The following ASAP2 variants were observed in gnomAD, a reference collection of about 807,000 sequenced individuals.
ASAP2 encodes the protein ArfGAP with SH3 domain, ankyrin repeat and PH domain 2.
Under a neutral mutation model 131.4 loss-of-function variants are expected in ASAP2, and 45 were observed. The observed-to-expected ratio is 0.34, with a 90% CI of 0.27 to 0.44. ASAP2 has a LOEUF of 0.44. Ranked by LOEUF, ASAP2 falls within the 20% of genes least tolerant of loss-of-function variation. The pLI is 1.00. For synonymous variants in ASAP2, 510 were observed against 503.0 expected (o/e 1.01, Z -0.19); for missense variants, 1,011 against 1,297.0 (o/e 0.78, Z 3.39).
At chr2:9,304,620 G>T (rs1026561220) in intron 3 of ASAP2, among the ~76,000 whole-genome samples, 8 of 151,394 alleles carry the variant, frequency 5.3e-5, no homozygotes, top group Non-Finnish European at 5.9e-5. Flanking sequence ...GGAGAGGCTG[G>T]AGTAGTGGAG....
intron 11 of ASAP2, among the ~76,000 whole-genome samples, chr2:9,345,517 C>T (rs922468196): frequency 1.3e-5 from 2 of 152,198 alleles, no homozygotes; most frequent in African/African-American, 4.8e-5. Context: ...ACTATTGCCT[C>T]ACCTGGCATG....
At chr2:9,320,769 T>C (rs1401394103) in intron 5 of ASAP2, among the ~76,000 whole-genome samples, 1 of 152,230 alleles carries the variant, frequency 6.6e-6, no homozygotes, top group Admixed American at 6.5e-5. Context: ...CCAGTTCCCT[T>C]GGTTTTAGAA....
At chr2:9,296,725 G>A (rs1380004859) in intron 2 of ASAP2, among the ~76,000 whole-genome samples, 1 of 152,206 alleles carries the variant, frequency 6.6e-6, no homozygotes, top group East Asian at 1.9e-4. Context: ...CAGGGTGTAG[G>A]GCAGAGTCAT....
intron 14 of ASAP2, among the ~76,000 whole-genome samples, chr2:9,358,490 G>A (rs548813972): frequency 1.5e-4 from 23 of 152,150 alleles, no homozygotes; most frequent in Non-Finnish European, 2.8e-4. Context: ...AGTGTGTCCT[G>A]TTTATTTTTG....
chr2:9,317,473 TCA>T (rs1491570571), intron 3 of ASAP2, among the ~76,000 whole-genome samples: 5 of 141,672 alleles, frequency 3.5e-5, no homozygotes, highest in South Asian at 4.7e-4. Context: ...CACCTTATAC[TCA>T]GTCACTTACA....
At chr2:9,251,132 G>A (rs1486204649) in intron 1 of ASAP2, among the ~76,000 whole-genome samples, 8 of 152,362 alleles carry the variant, frequency 5.3e-5, no homozygotes, top group East Asian at 3.9e-4. Flanking sequence ...GGAGTGGAGC[G>A]TGGAGGGCTG....
intron 17 of ASAP2, among the ~76,000 whole-genome samples, chr2:9,375,211 A>C (rs1436305891): frequency 6.6e-6 from 1 of 151,908 alleles, no homozygotes; most frequent in Non-Finnish European, 1.5e-5. Context: ...TGAGCCCAGA[A>C]ATTTGAAACT....
chr2:9,257,644 G>A (rs528147514), intron 1 of ASAP2, among the ~76,000 whole-genome samples: 6 of 152,114 alleles, frequency 3.9e-5, no homozygotes, highest in Non-Finnish European at 7.4e-5. Flanking sequence ...TCAGCCTCCC[G>A]AGTAGCTGGG....
chr2:9,349,497 G>C (rs893876514), intron 11 of ASAP2, among the ~76,000 whole-genome samples: 2 of 152,216 alleles, frequency 1.3e-5, no homozygotes, highest in African/African-American at 4.8e-5. Context: ...ACGATCAGTG[G>C]TGCTTTCACT....
At chr2:9,310,813 A>G (rs1669247139) in intron 3 of ASAP2, among the ~76,000 whole-genome samples, 1 of 152,210 alleles carries the variant, frequency 6.6e-6, no homozygotes, top group South Asian at 2.1e-4. Context: ...AATATTAGGA[A>G]GGACATTGTG....
At chr2:9,400,105 T>G in intron 25 of ASAP2, 33 bp downstream of exon 25, 1 of 1,602,726 alleles carries the variant, frequency 6.2e-7, no homozygotes. Context: ...AGTTTGTTTC[T>G]GCTTGGTCCA....
At chr2:9,350,652 G>T in intron 11 of ASAP2, 156 bp from the exon 12 acceptor site, 1 of 562,330 alleles carries the variant, frequency 1.8e-6, no homozygotes, top group Non-Finnish European at 3.0e-6. Context: ...TCTGTAACTT[G>T]TCCCAGTCAA....
rs116388136 is a variant in ASAP2 at position 9,365,893 on chromosome 2, T to G, written c.1462-2532T>G. 5.1e-3 allele frequency among the ~76,000 whole-genome samples: 784 copies of G among 152,296 alleles called. 7 individuals are homozygous for G. The highest frequency in any genetic ancestry group is 0.016 in the African/African-American group (682 of 41,564). On this transcript the variant is annotated intron_variant, in intron 15 of 27. Coordinates refer to ENST00000281419, the MANE Select transcript of ASAP2 (RefSeq NM_003887.3). ...TGAGGCCACAGGAAGGGCGACGGACTGGGCTGAGCTACCCTGGGTGATACA... is the reference window on the plus strand; with the variant it reads ...TGAGGCCACAGGAAGGGCGACGGACGGGGCTGAGCTACCCTGGGTGATACA...
intron 1 of ASAP2, among the ~76,000 whole-genome samples, chr2:9,209,459 C>T (rs887597779): frequency 1.3e-5 from 2 of 152,206 alleles, no homozygotes; most frequent in African/African-American, 4.8e-5. Context: ...TGAGACGAAA[C>T]ATGAGAGGGT....
chr2:9,395,585 G>GTTTTTT (rs1312749688), intron 24 of ASAP2, among the ~76,000 whole-genome samples: 3 of 76,292 alleles, frequency 3.9e-5, no homozygotes, highest in Admixed American at 1.4e-4. Flanking sequence ...TTTTTCTTGT[G>GTTTTTT]TTTTTTTTCT....
At position 9,374,880 on chromosome 2, in the gene ASAP2, G is replaced by A. The variant is rs780076385; in HGVS notation, c.1682G>A (p.Gly561Glu). Residue 561 changes from glycine (G) to glutamate (E), a missense_variant, in exon 17 of 28, where the codon GGA (glycine) becomes GAA (glutamate). Around this residue, in one of 2 missense-constraint regions of ASAP2, gnomAD observed 652 missense variants for 698.9 expected, o/e 0.93. Transcript: ENST00000281419. ...GCCGTCAAAACGAGAGATATTTTTG[G>A]ATTGCTCCAAGCTTATGCTGATGGT... Reference protein sequence around the residue: ...CEAVKTRDIFGLLQAYADGVD... With the variant: ...CEAVKTRDIFELLQAYADGVD... 7 of 1,613,976 alleles carry A rather than the reference G, an allele frequency of 4.3e-6. No individual in the cohort carries two copies. The highest frequency in any genetic ancestry group is 5.9e-6 in the Non-Finnish European group (7 of 1,180,016).
rs1677086214 is a variant in ASAP2, at chr2:9,404,921, T to C, written c.*1594T>C. ...AAAGCACTACATCTGTTTTCACTAATTGTTAATTTCTGTTTGAACCCTTCA... is the reference window on the plus strand; with the variant it reads ...AAAGCACTACATCTGTTTTCACTAACTGTTAATTTCTGTTTGAACCCTTCA... On this transcript the variant is annotated 3_prime_UTR_variant, in exon 28 of 28. Transcript: ENST00000281419. 6.6e-6 allele frequency: 1 copy of C among 152,590 alleles called. No homozygotes were observed. Among genetic ancestry groups the C allele is most frequent in the African/African-American group, 2.4e-5 (1 of 41,442 alleles). 9.5% of individuals were successfully genotyped at this position (152,590 alleles called of 1,614,324 possible).
At chr2:9,221,433 G>A (rs1662414795) in intron 1 of ASAP2, among the ~76,000 whole-genome samples, 1 of 151,460 alleles carries the variant, frequency 6.6e-6, no homozygotes, top group East Asian at 1.9e-4. Context: ...GGGATTGCAG[G>A]CATGAGCCAC....
At chr2:9,288,813 C>T (rs1354966888) in intron 2 of ASAP2, among the ~76,000 whole-genome samples, 4 of 152,080 alleles carry the variant, frequency 2.6e-5, no homozygotes, top group Non-Finnish European at 5.9e-5. Context: ...CCTCCAACCC[C>T]CTTCTCCTTC....
Sources: gnomAD v4.1 joint callset for allele counts (sites outside exome capture counted in the v4.1 genomes callset) on GRCh38, gnomAD v4.1.1 for gene constraint, gnomAD v4.1.1 regional missense constraint, MANE v1.5 for transcripts, NCBI Gene and HGNC (gene_info 2026-07-23, HGNC 2026-07-21) for gene names.